The following LRRC4C variants were observed in gnomAD, a reference collection of about 807,000 sequenced individuals.
LRRC4C encodes leucine-rich repeat-containing protein 4C.
LRRC4C carries 5 observed loss-of-function variants against 33.6 expected under a neutral mutation model. The ratio of observed to expected loss-of-function variants is 0.15; its 90% CI spans 0.08 to 0.31. The LOEUF (loss-of-function observed/expected upper bound fraction) is 0.31. Ranked by LOEUF, LRRC4C falls within the 10% of genes least tolerant of loss-of-function variation. The pLI is 1.00. For missense variants in LRRC4C, 560 were observed against 796.7 expected, an observed-to-expected ratio of 0.70 and a Z score of 3.58; for synonymous variants, 329 against 302.0, an observed-to-expected ratio of 1.09 and a Z score of -0.93.
At chr11:40,458,339 C>A (rs1257807861) in intron 3 of LRRC4C, among the ~76,000 whole-genome samples, 4 of 152,200 alleles carry the variant, frequency 2.6e-5, no homozygotes, top group South Asian at 4.1e-4. Flanking sequence ...TCTATATAAA[C>A]CCTTGTAATC....
chr11:40,489,077 C>T (rs2138492900), intron 3 of LRRC4C, among the ~76,000 whole-genome samples: 1 of 152,224 alleles, frequency 6.6e-6, no homozygotes, highest in South Asian at 2.1e-4. Flanking sequence ...TTGTCCTCCA[C>T]ATTTACAATC....
chr11:41,322,996 G>A (rs768489345), intron 1 of LRRC4C, among the ~76,000 whole-genome samples: 7 of 152,154 alleles, frequency 4.6e-5, no homozygotes, highest in Non-Finnish European at 1.0e-4. Flanking sequence ...GGTCTGAGAA[G>A]CAGTCTTTTC....
chr11:40,901,238 A>G (rs1236326906), intron 2 of LRRC4C, among the ~76,000 whole-genome samples: 1 of 152,098 alleles, frequency 6.6e-6, no homozygotes. Flanking sequence ...TGCACTGTCT[A>G]TGTCATACTC....
chr11:40,902,132 G>T (rs1165518829), intron 2 of LRRC4C, among the ~76,000 whole-genome samples: 2 of 151,596 alleles, frequency 1.3e-5, no homozygotes, highest in African/African-American at 4.8e-5. Flanking sequence ...TGGCAACCTT[G>T]CATTGAACAA....
chr11:41,190,635 C>T (rs1311855384), intron 1 of LRRC4C, among the ~76,000 whole-genome samples: 4 of 152,250 alleles, frequency 2.6e-5, no homozygotes, highest in Middle Eastern at 3.4e-3. Flanking sequence ...GGTAAAATGA[C>T]GTATGCTCGG....
At chr11:40,880,171 G>A (rs1229595368) in intron 2 of LRRC4C, among the ~76,000 whole-genome samples, 1 of 152,050 alleles carries the variant, frequency 6.6e-6, no homozygotes, top group Admixed American at 6.6e-5. Context: ...TGAGAGGGGG[G>A]AAGACTTTGA....
chr11:40,489,583 A>T (rs1047886778), intron 3 of LRRC4C, among the ~76,000 whole-genome samples: 1 of 152,082 alleles, frequency 6.6e-6, no homozygotes, highest in Non-Finnish European at 1.5e-5. Flanking sequence ...AGTTTCTAGT[A>T]CCTGGAACAT....
At chr11:40,840,543 CA>C (rs1952865979) in intron 2 of LRRC4C, among the ~76,000 whole-genome samples, 1 of 152,086 alleles carries the variant, frequency 6.6e-6, no homozygotes, top group Non-Finnish European at 1.5e-5. Flanking sequence ...TTGCAAAGAA[CA>C]TGGACTTGAA....
chr11:40,916,404 G>A (rs1283710496), intron 2 of LRRC4C, among the ~76,000 whole-genome samples: 2 of 152,082 alleles, frequency 1.3e-5, no homozygotes, highest in African/African-American at 4.8e-5. Flanking sequence ...GTAGGGACAT[G>A]GATGAAGCTG....
intron 4 of LRRC4C, among the ~76,000 whole-genome samples, chr11:40,255,354 T>C (rs770597405): frequency 2.4e-4 from 36 of 152,146 alleles, no homozygotes; most frequent in Admixed American, 2.6e-4. Flanking sequence ...CTGACATGTT[T>C]GAGAAACACT....
intron 2 of LRRC4C, among the ~76,000 whole-genome samples, chr11:40,744,421 C>T (rs1028439086): frequency 2.0e-5 from 3 of 152,092 alleles, no homozygotes; most frequent in Admixed American, 6.6e-5. Flanking sequence ...AATGTGAAGA[C>T]CAACAGATAA....
intron 2 of LRRC4C, among the ~76,000 whole-genome samples, chr11:40,829,796 G>A (rs145176736): frequency 2.7e-3 from 406 of 152,072 alleles, no homozygotes; most frequent in Non-Finnish European, 4.4e-3. Flanking sequence ...GTCAGGTGCT[G>A]GAGCTGTAAA....
intron 3 of LRRC4C, among the ~76,000 whole-genome samples, chr11:40,344,706 G>T (rs1346231923): frequency 6.6e-6 from 1 of 152,052 alleles, no homozygotes; most frequent in Non-Finnish European, 1.5e-5. Context: ...AAGAGAGAAA[G>T]TCAAACTACC....
chr11:40,780,433 G>T (rs1047902048), intron 2 of LRRC4C, among the ~76,000 whole-genome samples: 1 of 152,048 alleles, frequency 6.6e-6, no homozygotes, highest in Non-Finnish European at 1.5e-5. Context: ...GACAAAGCAG[G>T]AATAAGAAAG....
At chr11:40,458,324 G>A (rs191849092) in intron 3 of LRRC4C, among the ~76,000 whole-genome samples, 1 of 152,138 alleles carries the variant, frequency 6.6e-6, no homozygotes, top group African/African-American at 2.4e-5. Context: ...ATTCCATTAT[G>A]CCTATCTATA....
At chr11:40,321,750 C>A (rs553123040) in intron 3 of LRRC4C, among the ~76,000 whole-genome samples, 1 of 152,276 alleles carries the variant, frequency 6.6e-6, no homozygotes, top group South Asian at 2.1e-4. Flanking sequence ...TGATATTGAT[C>A]TTTTCATACC....
intron 1 of LRRC4C, among the ~76,000 whole-genome samples, chr11:41,270,729 G>C (rs1199265415): frequency 6.6e-6 from 1 of 152,032 alleles, no homozygotes; most frequent in African/African-American, 2.4e-5. Flanking sequence ...ATGATCTCTT[G>C]GTTGCTATAT....
chr11:41,156,495 T>G (rs1944238646), intron 1 of LRRC4C, among the ~76,000 whole-genome samples: 1 of 152,140 alleles, frequency 6.6e-6, no homozygotes, highest in Non-Finnish European at 1.5e-5. Context: ...ATTTCCCACT[T>G]AACAATTTCT....
intron 1 of LRRC4C, among the ~76,000 whole-genome samples, chr11:41,257,115 C>T (rs181622622): frequency 8.3e-4 from 126 of 152,008 alleles, no homozygotes; most frequent in East Asian, 1.9e-4. Flanking sequence ...CTTGTGTTGG[C>T]GTTGTGGTAG....
Sources: allele counts gnomAD v4.1 joint callset (sites outside exome capture counted in the v4.1 genomes callset), GRCh38; gene constraint gnomAD v4.1.1; transcripts MANE v1.5; gene names NCBI Gene and HGNC (gene_info 2026-07-23, HGNC 2026-07-21).